BOP1: variants seen among roughly 807,000 people sequenced by gnomAD.
BOP1 encodes BOP1 ribosomal biogenesis factor.
Under a neutral mutation model 82.9 loss-of-function variants are expected in BOP1, and 54 were observed. That is an observed-to-expected ratio of 0.65 (90% CI 0.52 to 0.82). The LOEUF (loss-of-function observed/expected upper bound fraction) is 0.82. Among genes scored for constraint, BOP1 ranks in the 40% least tolerant of loss-of-function variants. The pLI, the probability that BOP1 is intolerant of heterozygous loss-of-function variation, is 0.00. For synonymous variants in BOP1, 566 were observed against 451.1 expected, an observed-to-expected ratio of 1.25 and a Z score of -3.23; for missense variants, 1,170 against 1,072.0, an observed-to-expected ratio of 1.09 and a Z score of -1.28.
Position 144,264,804 on chromosome 8 carries a change from C to T in BOP1, c.573G>A (p.Gly191=). The T allele has an allele frequency of 6.2e-7, 1 of 1,609,678 alleles. No individual in the cohort carries two copies. Among genetic ancestry groups the T allele is most frequent in the Non-Finnish European group, 8.5e-7 (1 of 1,179,188 alleles). ...GCTCATCCGTCAGTCTCAGGTCCCG[C>T]CCTGTCATCGGGTCCTGCACGGTGC... The part of the protein sequence containing the change: ...YWRTVQDPMT[G]RDLRLTDEQV... Residue 191 remains glycine, a synonymous_variant, in exon 5 of 16, where the codon GGG becomes GGA. Coordinates refer to ENST00000569669, the MANE Select transcript of BOP1 (RefSeq NM_015201.5).
chr8:144,274,523 G>T (rs978361933), intron 3 of BOP1, among the ~76,000 whole-genome samples: 3 of 152,230 alleles, frequency 2.0e-5, no homozygotes, highest in African/African-American at 7.2e-5. Flanking sequence ...TGGACGGGAG[G>T]CATCTGTCCG....
intron 3 of BOP1, chr8:144,265,308 C>T: frequency 1.7e-6 from 1 of 599,600 alleles, no homozygotes; most frequent in Non-Finnish European, 3.0e-6. Flanking sequence ...TTCACATTTT[C>T]CACTGAAGTG....
At chr8:144,270,252 G>A (rs1315095425) in intron 3 of BOP1, among the ~76,000 whole-genome samples, 3 of 152,336 alleles carry the variant, frequency 2.0e-5, no homozygotes, top group Admixed American at 6.5e-5. Context: ...AGGTGGGAAG[G>A]TGCGGGCCAG....
rs1051073063 is a variant in BOP1, at chr8:144,268,114, G to A, written c.391-3043C>T. 67 of 1,551,410 alleles carry A rather than the reference G, an allele frequency of 4.3e-5. No individual in the cohort carries two copies. The East Asian group carries it at 1.2e-3, about 27-fold the overall frequency. On this transcript the variant is annotated intron_variant, in intron 3 of 15. Transcript: ENST00000569669. ...CCCTCCCCTCTGCAGAGCAAGGACC[G>A]CGACAGAAAGACAGCGATTCGCAGT...
At position 144,291,323 on chromosome 8, in the gene BOP1, C is replaced by G; in HGVS notation, c.48G>C (p.Arg16=). 7.0e-7 allele frequency: 1 copy of G among 1,434,910 alleles called. No individual in the cohort carries two copies. Among genetic ancestry groups the G allele is most frequent in the South Asian group, 1.3e-5 (1 of 74,618 alleles). 88.9% of individuals were successfully genotyped at this position (1,434,910 alleles called of 1,614,324 possible). A position where few individuals can be genotyped will look rare whatever the true frequency, so the allele number is the denominator to read the frequency against. Residue 16 remains arginine, a synonymous_variant, in exon 1 of 16, where the codon CGG becomes CGC. Coordinates refer to ENST00000569669, the MANE Select transcript of BOP1 (RefSeq NM_015201.5). This position sits in a 1 kb window ranked among gnomAD's most constrained non-coding sequence, Gnocchi z 4.1. ...CGGGCTCAGACCGCCGCTTCTCCGG[C>G]CGCACGCTCGGCGCCGCCGTGCGCC... is the stretch of plus-strand genomic sequence containing the variant. The part of the protein sequence containing the change: ...GAGRTAAPSV[R]PEKRRSEPEL...
Position 144,264,584 on chromosome 8 carries a change from C to G in BOP1, c.696G>C (p.Met232Ile). 6.2e-7 allele frequency: 1 copy of G among 1,607,934 alleles called. No individual in the cohort carries two copies. ...CCGGGCGGTTGGTCACCGGGTGGAT[C>G]ATGACGTCCCCGCTGAAGAAGTCGA... is the stretch of plus-strand genomic sequence containing the variant. ...PAVDFFSGDV[M>I]IHPVTNRPAD... The change falls in exon 6 of 16, where the codon ATG becomes ATC. Residue 232 changes from methionine to isoleucine, a missense_variant. Physicochemically the swap from Met to Ile is conservative, Grantham distance 10 (BLOSUM62 1). Transcript: ENST00000569669.
rs962019487 is a variant in BOP1, at chr8:144,265,095, G to T, written c.391-24C>A. On this transcript the variant is annotated intron_variant, in intron 3 of 15. Transcript: ENST00000569669. The stretch of plus-strand genomic sequence containing the variant: ...TCCTGCAGCCGGGGGCCACCATGTC[G>T]GCATCTGATCCTACAAGGCCCACCC... The T allele has an allele frequency of 5.0e-6, 8 of 1,600,564 alleles. 1 individual carries two copies. In the South Asian group the frequency reaches 9.0e-5, roughly 18 times the overall value.
intron 3 of BOP1, among the ~76,000 whole-genome samples, chr8:144,272,562 T>C (rs1216516570): frequency 6.6e-6 from 1 of 151,982 alleles, no homozygotes; most frequent in Non-Finnish European, 1.5e-5. Context: ...TCAAGAGCCC[T>C]GTAGAGCACC....
chr8:144,285,515 C>T (rs547222768), intron 2 of BOP1, among the ~76,000 whole-genome samples: 3 of 152,334 alleles, frequency 2.0e-5, no homozygotes, highest in South Asian at 4.1e-4. Flanking sequence ...GCAGACATTA[C>T]CCTCACTTAC....
Position 144,262,564 on chromosome 8 carries a change from G to A in BOP1, c.1979+24C>T, listed in dbSNP as rs961255349. ...GCTGAAGGGAGGGGCTCTGCTGGCC[G>A]CCTCCACCCCCAGCTTTCCTCACCT... is the stretch of plus-strand genomic sequence containing the variant. On this transcript the variant is annotated intron_variant, in intron 14 of 15. Transcript: ENST00000569669. The A allele has an allele frequency of 1.2e-4, 191 of 1,612,858 alleles. No individual in the cohort carries two copies. The African/African-American group carries it at 2.1e-3, about 18-fold the overall frequency.
chr8:144,284,152 C>T (rs1297641005), intron 2 of BOP1, among the ~76,000 whole-genome samples: 1 of 151,528 alleles, frequency 6.6e-6, no homozygotes, highest in Non-Finnish European at 1.5e-5. Flanking sequence ...ACAAAACTAG[C>T]CAGGCATGGT....
chr8:144,281,626 T>TCAC, intron 2 of BOP1: 1 of 151,034 alleles, frequency 6.6e-6, no homozygotes, highest in African/African-American at 2.5e-5. Context: ...AGGCCTTCTC[T>TCAC]TACTTTAATA....
intron 3 of BOP1, among the ~76,000 whole-genome samples, chr8:144,266,351 C>G (rs1482083929): frequency 3.3e-5 from 5 of 151,804 alleles, no homozygotes; most frequent in Non-Finnish European, 5.9e-5. Context: ...CCGAGGGACG[C>G]GGCGGGCGCT....
intron 3 of BOP1, chr8:144,265,937 T>C (rs1186547624): frequency 1.3e-5 from 2 of 152,246 alleles, no homozygotes; most frequent in African/African-American, 2.4e-5. Context: ...ACAGGGGACA[T>C]GGCCAGCTAG....
chr8:144,264,607 C>T lies in BOP1; in HGVS notation c.673G>A (p.Asp225Asn), dbSNP rs1261173428. 25 of 1,599,104 alleles carry T rather than the reference C, an allele frequency of 1.6e-5. No individual in the cohort carries two copies. The highest frequency in any genetic ancestry group is 5.6e-5 in the South Asian group (5 of 89,370). The change falls in exon 6 of 16, where the codon GAC becomes AAC. Residue 225 changes from aspartate (D) to asparagine (N), a missense_variant. Coordinates refer to ENST00000569669, the MANE Select transcript of BOP1 (RefSeq NM_015201.5). ...ATCATGACGTCCCCGCTGAAGAAGTCGACAGCCGGCTGGGGGAGAAGATGT... is the reference window on the plus strand; with the variant it reads ...ATCATGACGTCCCCGCTGAAGAAGTTGACAGCCGGCTGGGGGAGAAGATGT... ...VGFNPYEPAV[D>N]FFSGDVMIHP...
chr8:144,281,227 G>A lies in BOP1; in HGVS notation c.310-4923C>T, dbSNP rs1845672819. ...TCTCTCAGTTTAATACCAGGTCTTCGGCCTTCCCTCAGTTTAATACCAGGT... is the reference window on the plus strand; with the variant it reads ...TCTCTCAGTTTAATACCAGGTCTTCAGCCTTCCCTCAGTTTAATACCAGGT... On this transcript the variant is annotated intron_variant, in intron 2 of 15. Transcript: ENST00000569669. 2.8e-4 allele frequency among the ~76,000 whole-genome samples: 2 copies of A among 7,094 alleles called. 1 individual carries two copies. Among genetic ancestry groups the A allele is most frequent in the Non-Finnish European group, 7.8e-4 (2 of 2,560 alleles). 4.7% of individuals were successfully genotyped at this position (7,094 alleles called of 152,430 possible).
At chr8:144,274,880 G>A (rs1430597066) in intron 3 of BOP1, among the ~76,000 whole-genome samples, 3 of 152,216 alleles carry the variant, frequency 2.0e-5, no homozygotes, top group Non-Finnish European at 2.9e-5. Flanking sequence ...AAAAGTAGCC[G>A]ACAGGATGTG....
rs1845336284 is a variant in BOP1 at position 144,265,381 on chromosome 8, C to G, written c.391-310G>C. ...GGCCAGGGCTCTGGGCAGCCACAGA[C>G]AGGGATGACCTCATCACCCACGGGC... is the stretch of plus-strand genomic sequence containing the variant. On this transcript the variant is annotated intron_variant, in intron 3 of 15. Coordinates refer to ENST00000569669, the MANE Select transcript of BOP1 (RefSeq NM_015201.5). 5.8e-6 allele frequency: 3 copies of G among 521,066 alleles called. No individual in the cohort carries two copies. The Admixed American group carries it at 1.0e-4, about 18-fold the overall frequency. 32.3% of individuals were successfully genotyped at this position (521,066 alleles called of 1,614,324 possible). A position where few individuals can be genotyped will look rare whatever the true frequency, so the allele number is the denominator to read the frequency against.
At chr8:144,263,198 C>T in intron 12 of BOP1, 23 bp downstream of exon 12, 1 of 1,593,522 alleles carries the variant, frequency 6.3e-7, no homozygotes, top group Non-Finnish European at 8.5e-7. Context: ...GCTGCAGCCT[C>T]ACCCCCAAGG....
Sources: gnomAD v4.1 joint callset for allele counts (sites outside exome capture counted in the v4.1 genomes callset) on GRCh38, gnomAD v4.1.1 for gene constraint, Gnocchi (gnomAD v3.1) non-coding constraint, MANE v1.5 for transcripts, NCBI Gene and HGNC (gene_info 2026-07-23, HGNC 2026-07-21) for gene names.